The following LDB2 variants were observed in gnomAD, a reference collection of about 807,000 sequenced individuals.
The protein encoded by LDB2 is LIM domain-binding protein 2.
A neutral mutation model predicts 44.3 loss-of-function variants in LDB2; 12 were observed. That is an observed-to-expected ratio of 0.27 (90% CI 0.17 to 0.44). LDB2 has a LOEUF of 0.44. Among genes scored for constraint, LDB2 ranks in the 20% least tolerant of loss-of-function variants. The pLI, the probability that LDB2 is intolerant of heterozygous loss-of-function variation, is 1.00. For missense variants in LDB2, 344 were observed against 473.5 expected (o/e 0.73, Z 2.54); for synonymous variants, 164 against 174.8 (o/e 0.94, Z 0.49).
At chr4:16,883,386 G>A (rs1163350883) in intron 1 of LDB2, among the ~76,000 whole-genome samples, 1 of 152,176 alleles carries the variant, frequency 6.6e-6, no homozygotes, top group African/African-American at 2.4e-5. Flanking sequence ...ATTTCTCCGA[G>A]GCTTAAGTTT....
At chr4:16,821,806 G>A (rs1166062648) in intron 1 of LDB2, among the ~76,000 whole-genome samples, 4 of 140,418 alleles carry the variant, frequency 2.8e-5, no homozygotes, top group East Asian at 2.1e-4. Context: ...TGGGCAAATC[G>A]CCCAGGTTCT....
At chr4:16,619,842 T>A (rs1728380119) in intron 2 of LDB2, among the ~76,000 whole-genome samples, 1 of 150,340 alleles carries the variant, frequency 6.7e-6, no homozygotes, top group African/African-American at 2.4e-5. Context: ...TGGAAGGGGT[T>A]TATTTTATTT....
intron 1 of LDB2, among the ~76,000 whole-genome samples, chr4:16,784,148 T>G (rs753278347): frequency 2.0e-5 from 3 of 152,196 alleles, no homozygotes; most frequent in Non-Finnish European, 4.4e-5. Flanking sequence ...CATGTAAGCC[T>G]CATGGCACCC....
chr4:16,540,479 A>G (rs1560410907), intron 5 of LDB2, among the ~76,000 whole-genome samples: 1 of 152,102 alleles, frequency 6.6e-6, no homozygotes, highest in African/African-American at 2.4e-5. Context: ...AAAGGTTGGC[A>G]TTTTTTCTAC....
At chr4:16,634,985 T>A (rs1202425663) in intron 2 of LDB2, among the ~76,000 whole-genome samples, 1 of 152,124 alleles carries the variant, frequency 6.6e-6, no homozygotes, top group Admixed American at 6.5e-5. Context: ...GTTCTTGTCC[T>A]TTGCAGGGAC....
At chr4:16,746,319 T>C (rs1764377114) in intron 2 of LDB2, among the ~76,000 whole-genome samples, 1 of 152,232 alleles carries the variant, frequency 6.6e-6, no homozygotes, top group Admixed American at 6.5e-5. Flanking sequence ...CGTGTCTGAC[T>C]CCATTTTTTT....
At chr4:16,796,140 T>A (rs1776682615) in intron 1 of LDB2, among the ~76,000 whole-genome samples, 1 of 151,720 alleles carries the variant, frequency 6.6e-6, no homozygotes, top group Admixed American at 6.6e-5. Flanking sequence ...AAAAAAAAAT[T>A]AGCCCGTCAT....
chr4:16,528,937 C>A (rs1477941707), intron 5 of LDB2, among the ~76,000 whole-genome samples: 3 of 152,122 alleles, frequency 2.0e-5, no homozygotes, highest in African/African-American at 7.2e-5. Context: ...CACCAAGATC[C>A]CAAGAAGCCA....
chr4:16,564,243 C>T (rs1743648575), intron 5 of LDB2, among the ~76,000 whole-genome samples: 2 of 152,150 alleles, frequency 1.3e-5, no homozygotes, highest in Admixed American at 6.5e-5. Flanking sequence ...ATAGTCCCAG[C>T]CTCAGTCCCC....
intron 1 of LDB2, among the ~76,000 whole-genome samples, chr4:16,839,313 G>C (rs1785444098): frequency 1.3e-5 from 2 of 152,224 alleles, no homozygotes; most frequent in Admixed American, 6.5e-5. Flanking sequence ...GATGTGTGCA[G>C]AGATCACTTG....
intron 2 of LDB2, among the ~76,000 whole-genome samples, chr4:16,659,316 C>T (rs1160766933): frequency 6.6e-6 from 1 of 152,148 alleles, no homozygotes; most frequent in Non-Finnish European, 1.5e-5. Context: ...GGATAAATCC[C>T]TGGGTCGGCA....
intron 2 of LDB2, among the ~76,000 whole-genome samples, chr4:16,602,216 G>A (rs773163574): frequency 1.1e-4 from 16 of 152,278 alleles, no homozygotes; most frequent in African/African-American, 3.4e-4. Context: ...AGGAGACAGA[G>A]AATAAACTTG....
chr4:16,851,473 A>T lies in LDB2; in HGVS notation c.132+46881T>A, dbSNP rs139711193. ...GCCGGGCATGGTGGTGGGCACCTGT[A>T]ATCCCAGCTACTTGGGAGGCTGAGG... On this transcript the variant is annotated intron_variant, in intron 1 of 7. Coordinates refer to ENST00000304523, the MANE Select transcript of LDB2 (RefSeq NM_001290.5). Among the ~76,000 whole-genome samples, 21 of 152,222 alleles carry T rather than the reference A, an allele frequency of 1.4e-4. No homozygotes were observed. The East Asian group carries it at 2.7e-3, about 20-fold the overall frequency.
chr4:16,869,317 A>AC (rs1055993355), intron 1 of LDB2, among the ~76,000 whole-genome samples: 2 of 151,764 alleles, frequency 1.3e-5, no homozygotes, highest in African/African-American at 4.8e-5. Flanking sequence ...AAAAAAAAAA[A>AC]AACTCAGAAA....
Position 16,789,041 on chromosome 4 carries a change from G to A in LDB2, c.133-29781C>T, listed in dbSNP as rs532607935. On this transcript the variant is annotated intron_variant, in intron 1 of 7. Transcript: ENST00000304523. ...GCAGCAGATTTACTCTCCTAATTAT[G>A]TTTGGCTTTGGTTAAATTAGTTTGC... Among the ~76,000 whole-genome samples the A allele has an allele frequency of 3.4e-4, 51 of 152,192 alleles. 1 individual carries two copies. The highest frequency in any genetic ancestry group is 6.8e-3 in the Middle Eastern group (2 of 294).
At chr4:16,559,865 T>G (rs1741375266) in intron 5 of LDB2, among the ~76,000 whole-genome samples, 1 of 152,134 alleles carries the variant, frequency 6.6e-6, no homozygotes, top group Admixed American at 6.5e-5. Flanking sequence ...TAACAAACTG[T>G]CTCTCAGACC....
intron 1 of LDB2, chr4:16,826,646 C>T (rs1257953845): frequency 1.3e-5 from 2 of 152,168 alleles, no homozygotes; most frequent in Non-Finnish European, 2.9e-5. Context: ...CTTCAACAAG[C>T]GTTTCCAACA....
chr4:16,776,127 A>T (rs1771842483), intron 1 of LDB2, among the ~76,000 whole-genome samples: 2 of 152,152 alleles, frequency 1.3e-5, no homozygotes, highest in Admixed American at 1.3e-4. Context: ...CTGGGTTCTG[A>T]TTCTGTTCCT....
intron 2 of LDB2, among the ~76,000 whole-genome samples, chr4:16,724,101 A>C (rs3115224): frequency 0.47 from 72,043 of 151,928 alleles, 17,585 homozygotes; most frequent in East Asian, 0.81. Context: ...GAAAAAACTT[A>C]TTGTCATACA....
Sources: allele counts gnomAD v4.1 joint callset (sites outside exome capture counted in the v4.1 genomes callset), GRCh38; gene constraint gnomAD v4.1.1; transcripts MANE v1.5; gene names NCBI Gene and HGNC (gene_info 2026-07-23, HGNC 2026-07-21).